SDK1: variants seen among roughly 807,000 people sequenced by gnomAD.
SDK1 encodes the protein sidekick cell adhesion molecule 1.
In SDK1, 157 loss-of-function variants were observed where a neutral mutation model predicts 245.5. That is an observed-to-expected ratio of 0.64 (90% CI 0.56 to 0.73). The LOEUF is 0.73. Among genes scored for constraint, SDK1 ranks in the 30% least tolerant of loss-of-function variants. The pLI, the probability that SDK1 is intolerant of heterozygous loss-of-function variation, is 0.00. For missense variants in SDK1, 3,583 were observed against 3,002.3 expected (o/e 1.19, Z -4.52); for synonymous variants, 1,647 against 1,278.5 (o/e 1.29, Z -6.15).
intron 1 of SDK1, among the ~76,000 whole-genome samples, chr7:3,580,321 G>A (rs1414149580): frequency 6.6e-6 from 1 of 152,108 alleles, no homozygotes; most frequent in East Asian, 1.9e-4. Flanking sequence ...CCAAAAGAGA[G>A]CCTGAATAGC....
chr7:3,581,180 T>C (rs1270301942), intron 1 of SDK1, among the ~76,000 whole-genome samples: 1 of 152,006 alleles, frequency 6.6e-6, no homozygotes, highest in Non-Finnish European at 1.5e-5. Flanking sequence ...AGACAATCTG[T>C]AGAATAGGAG....
intron 5 of SDK1, among the ~76,000 whole-genome samples, chr7:3,885,260 C>A (rs557017042): frequency 2.0e-5 from 3 of 152,226 alleles, no homozygotes; most frequent in African/African-American, 7.2e-5. Context: ...GACTCTAGGC[C>A]GGCTGCTTTG....
chr7:3,568,593 A>G (rs758324818), intron 1 of SDK1, among the ~76,000 whole-genome samples: 2 of 152,194 alleles, frequency 1.3e-5, no homozygotes, highest in Non-Finnish European at 2.9e-5. Flanking sequence ...CTCCAAGGTT[A>G]TTGATCACTA....
At chr7:3,450,942 A>G (rs1780494476) in intron 1 of SDK1, among the ~76,000 whole-genome samples, 1 of 152,176 alleles carries the variant, frequency 6.6e-6, no homozygotes, top group South Asian at 2.1e-4. Context: ...AGGAGGAGAA[A>G]GTTTCATAAA....
At chr7:3,379,611 G>C (rs1188422518) in intron 1 of SDK1, among the ~76,000 whole-genome samples, 1 of 152,080 alleles carries the variant, frequency 6.6e-6, no homozygotes, top group African/African-American at 2.4e-5. Flanking sequence ...CTGTTTAATG[G>C]GATTTGGGAG....
intron 13 of SDK1, among the ~76,000 whole-genome samples, chr7:3,982,960 C>A (rs1188073156): frequency 2.0e-5 from 3 of 151,994 alleles, no homozygotes; most frequent in Non-Finnish European, 4.4e-5. Flanking sequence ...TCAAGGCATC[C>A]ACGGAGGAAG....
chr7:3,910,610 A>G (rs1394391622), intron 5 of SDK1, among the ~76,000 whole-genome samples: 1 of 152,100 alleles, frequency 6.6e-6, no homozygotes, highest in Non-Finnish European at 1.5e-5. Context: ...CTGAGACCCC[A>G]GTCTTGTTTT....
chr7:3,757,134 T>C (rs1483714652), intron 4 of SDK1, among the ~76,000 whole-genome samples: 2 of 152,098 alleles, frequency 1.3e-5, no homozygotes, highest in Non-Finnish European at 2.9e-5. Context: ...ACCCCACACA[T>C]TGAGGGCTCA....
chr7:3,374,132 G>C (rs945743579), intron 1 of SDK1, among the ~76,000 whole-genome samples: 6 of 152,094 alleles, frequency 3.9e-5, no homozygotes, highest in African/African-American at 1.4e-4. Flanking sequence ...GGAAGTCTTG[G>C]ATTTGCTGCA....
At chr7:3,504,914 C>G (rs1177808271) in intron 1 of SDK1, among the ~76,000 whole-genome samples, 1 of 152,062 alleles carries the variant, frequency 6.6e-6, no homozygotes, top group Non-Finnish European at 1.5e-5. Flanking sequence ...TAGTTATGTA[C>G]CCAAGAAAAA....
At chr7:4,045,885 C>G (rs188110161) in intron 17 of SDK1, among the ~76,000 whole-genome samples, 1 of 152,068 alleles carries the variant, frequency 6.6e-6, no homozygotes, top group African/African-American at 2.4e-5. Flanking sequence ...ATTCTTTTTG[C>G]GTACATTTTT....
intron 1 of SDK1, among the ~76,000 whole-genome samples, chr7:3,537,169 C>T (rs1351026861): frequency 6.6e-6 from 1 of 152,174 alleles, no homozygotes; most frequent in African/African-American, 2.4e-5. Context: ...CGATCTGATA[C>T]CTATCATCAT....
intron 2 of SDK1, among the ~76,000 whole-genome samples, chr7:3,630,610 TG>T (rs1229406341): frequency 3.3e-5 from 5 of 152,184 alleles, no homozygotes; most frequent in African/African-American, 1.2e-4. Context: ...CCCTCCAGCT[TG>T]GGTGACAGAG....
chr7:3,464,813 C>A lies in SDK1; in HGVS notation c.299-154267C>A, dbSNP rs528914574. ...CAGGACACACTAATGTCGGGACAGT[C>A]TTTAAAAATTTGGACAAATTTTTAA... On this transcript the variant is annotated intron_variant, in intron 1 of 44. Coordinates refer to ENST00000404826, the MANE Select transcript of SDK1 (RefSeq NM_152744.4). Among the ~76,000 whole-genome samples the A allele has an allele frequency of 3.3e-5, 5 of 151,716 alleles. No individual in the cohort carries two copies. In the East Asian group the frequency reaches 9.7e-4, roughly 30 times the overall value.
At chr7:3,908,218 G>A (rs1779026750) in intron 5 of SDK1, among the ~76,000 whole-genome samples, 1 of 152,192 alleles carries the variant, frequency 6.6e-6, no homozygotes, top group Admixed American at 6.5e-5. Flanking sequence ...TGAGCGCCTT[G>A]TGTCCCGCTC....
intron 17 of SDK1, among the ~76,000 whole-genome samples, chr7:4,019,458 G>T (rs1442519575): frequency 6.6e-6 from 1 of 152,172 alleles, no homozygotes; most frequent in Non-Finnish European, 1.5e-5. Context: ...TAAGATAGTG[G>T]CACAGTGGGT....
At position 3,629,471 on chromosome 7, in the gene SDK1, A is replaced by G. The variant is rs554850073; in HGVS notation, c.459-9533A>G. ...GGACTATCCAAGAAGATTAGAGGCA[A>G]TAGTTCCCTGTGCTTACACAGGACT... On this transcript the variant is annotated intron_variant, in intron 2 of 44. Transcript: ENST00000404826. Among the ~76,000 whole-genome samples the G allele has an allele frequency of 7.1e-4, 108 of 152,270 alleles. No homozygotes were observed. The Middle Eastern group carries it at 0.027, about 38-fold the overall frequency.
chr7:4,074,916 A>ATATATATATT (rs1434239449), intron 20 of SDK1, among the ~76,000 whole-genome samples: 1 of 64,628 alleles, frequency 1.5e-5, no homozygotes, highest in Admixed American at 1.8e-4. Flanking sequence ...ATATATATAT[A>ATATATATATT]TTTTTTTTTT....
At chr7:3,319,976 A>C (rs1779760991) in intron 1 of SDK1, among the ~76,000 whole-genome samples, 2 of 150,062 alleles carry the variant, frequency 1.3e-5, no homozygotes, top group South Asian at 4.2e-4. Flanking sequence ...AATGCGAAAA[A>C]ATGAATTTCA....
Sources: allele counts gnomAD v4.1 joint callset (sites outside exome capture counted in the v4.1 genomes callset), GRCh38; gene constraint gnomAD v4.1.1; transcripts MANE v1.5; gene names NCBI Gene and HGNC (gene_info 2026-07-23, HGNC 2026-07-21).